RBM47: variants seen among roughly 807,000 people sequenced by gnomAD.
RBM47 encodes the protein RNA binding motif protein 47.
A neutral mutation model predicts 47.1 loss-of-function variants in RBM47; 21 were observed. That is an observed-to-expected ratio of 0.45 (90% CI 0.32 to 0.64). The LOEUF is 0.64. Among genes scored for constraint, RBM47 ranks in the 30% least tolerant of loss-of-function variants. The pLI, the probability that RBM47 is intolerant of heterozygous loss-of-function variation, is 0.05. For missense variants in RBM47, 708 were observed against 870.9 expected, an observed-to-expected ratio of 0.81 and a Z score of 2.35; for synonymous variants, 375 against 361.7, an observed-to-expected ratio of 1.04 and a Z score of -0.42.
chr4:40,510,777 AGAGTCAATAGGGGGAC>A (rs1222933176), intron 2 of RBM47, among the ~76,000 whole-genome samples: 9 of 152,176 alleles, frequency 5.9e-5, no homozygotes, highest in African/African-American at 1.7e-4. Flanking sequence ...GTCTAAACTA[AGAGTCAATAGGGGGAC>A]GGGCATGATG....
At position 40,478,505 on chromosome 4, in the gene RBM47, A is replaced by G. The variant is rs148167940; in HGVS notation, c.-154-11806T>C. ...GAAGCCTGGGATGAGATAAGCTCTG[A>G]GGTAGATTTGGAAAAAGGGGTAAGA... On this transcript the variant is annotated intron_variant, in intron 2 of 6. Coordinates refer to ENST00000295971, the MANE Select transcript of RBM47 (RefSeq NM_001098634.2). Among the ~76,000 whole-genome samples the G allele has an allele frequency of 5.9e-5, 9 of 152,332 alleles. No homozygotes were observed. In the East Asian group the frequency reaches 1.7e-3, roughly 29 times the overall value.
At chr4:40,589,574 T>C (rs1368520714) in intron 1 of RBM47, among the ~76,000 whole-genome samples, 1 of 152,020 alleles carries the variant, frequency 6.6e-6, no homozygotes, top group South Asian at 2.1e-4. Flanking sequence ...GTAGCTGGGA[T>C]TACGAGCACA....
intron 1 of RBM47, among the ~76,000 whole-genome samples, chr4:40,624,849 CTTTTCT>C (rs1291763009): frequency 1.4e-5 from 2 of 141,152 alleles, no homozygotes; most frequent in South Asian, 2.3e-4. Context: ...GCCATCTTTT[CTTTTCT>C]TTTTCTTTTT....
At chr4:40,518,711 G>T (rs1725878036) in intron 2 of RBM47, among the ~76,000 whole-genome samples, 2 of 151,890 alleles carry the variant, frequency 1.3e-5, no homozygotes, top group African/African-American at 4.8e-5. Flanking sequence ...AATCAGGGGT[G>T]TCCAATCTTT....
intron 2 of RBM47, among the ~76,000 whole-genome samples, chr4:40,513,715 T>A (rs1297894327): frequency 7.3e-6 from 1 of 137,182 alleles, no homozygotes; most frequent in Admixed American, 7.1e-5. Context: ...TTAAACTGAC[T>A]TTTTTTTTTT....
At chr4:40,585,438 G>A (rs553044152) in intron 1 of RBM47, among the ~76,000 whole-genome samples, 22 of 152,088 alleles carry the variant, frequency 1.4e-4, no homozygotes, top group African/African-American at 3.1e-4. Flanking sequence ...CAACAAAATC[G>A]CCCCATAAAT....
rs1047835662 is a variant in RBM47, at chr4:40,437,968, G to A, written c.926C>T (p.Ser309Leu). 4 of 1,613,314 alleles carry A rather than the reference G, an allele frequency of 2.5e-6. No individual in the cohort carries two copies. Among genetic ancestry groups the A allele is most frequent in the African/African-American group, 1.3e-5 (1 of 74,940 alleles). ...CTTGGCCAGCGTGACCTCCAGGCAC[G>A]AGCCCTCCAGCTCAGTGCCGTTGAG... ...NNLNGTELEG[S>L]CLEVTLAKPV... is the part of the protein sequence containing the mutation. Residue 309 changes from serine (S) to leucine (L), a missense_variant, in exon 4 of 7, where the codon TCG (serine) becomes TTG (leucine). Physicochemically the swap from Ser to Leu is moderately radical, Grantham distance 145. Coordinates refer to ENST00000295971, the MANE Select transcript of RBM47 (RefSeq NM_001098634.2).
intron 2 of RBM47, chr4:40,492,080 G>GAAGAAAAAAAAGAA (rs58882274): frequency 7.1e-6 from 1 of 141,248 alleles, no homozygotes; most frequent in Non-Finnish European, 1.5e-5. Context: ...AACCTGAACT[G>GAAGAAAAAAAAGAA]AAAAAAGGCT....
At chr4:40,432,202 TTAC>T (rs1716246134) in intron 6 of RBM47, among the ~76,000 whole-genome samples, 1 of 77,758 alleles carries the variant, frequency 1.3e-5, no homozygotes. Context: ...CTCTCTCTCT[TTAC>T]ACACACACAC....
At position 40,431,514 on chromosome 4, in the gene RBM47, C is replaced by T. The variant is rs183003098; in HGVS notation, c.1542+1137G>A. On this transcript the variant is annotated intron_variant, in intron 6 of 6. Coordinates refer to ENST00000295971, the MANE Select transcript of RBM47 (RefSeq NM_001098634.2). ...TCTACTAAAAATACAAAAAATTAGC[C>T]GGGCATGGTGGCGTGCGCCTGTAGT... is the stretch of plus-strand genomic sequence containing the variant. 7.5e-3 allele frequency among the ~76,000 whole-genome samples: 1,138 copies of T among 152,120 alleles called. 11 individuals are homozygous for T. Among genetic ancestry groups the T allele is most frequent in the African/African-American group, 0.025 (1,038 of 41,500 alleles).
rs567285185 is a variant in RBM47 at position 40,563,519 on chromosome 4, A to T, written c.-239-19013T>A. On this transcript the variant is annotated intron_variant, in intron 1 of 6. Coordinates refer to ENST00000295971, the MANE Select transcript of RBM47 (RefSeq NM_001098634.2). ...AAATACCTTAGATATCAGCTAGTTGATCTAGATAAGAAACCTGAGATTCAG... is the reference window on the plus strand; with the variant it reads ...AAATACCTTAGATATCAGCTAGTTGTTCTAGATAAGAAACCTGAGATTCAG... Among the ~76,000 whole-genome samples the T allele has an allele frequency of 2.6e-5, 4 of 152,350 alleles. No homozygotes were observed. In the South Asian group the frequency reaches 8.3e-4, roughly 32 times the overall value.
At chr4:40,493,917 C>T (rs938502448) in intron 2 of RBM47, among the ~76,000 whole-genome samples, 1 of 151,776 alleles carries the variant, frequency 6.6e-6, no homozygotes, top group Admixed American at 6.6e-5. Context: ...CCAGCCTGGG[C>T]AACAGAGTGA....
At chr4:40,605,952 C>T (rs1021021757) in intron 1 of RBM47, among the ~76,000 whole-genome samples, 3 of 151,642 alleles carry the variant, frequency 2.0e-5, no homozygotes, top group Non-Finnish European at 4.4e-5. Context: ...TTACCCAGCA[C>T]TTTGGGAGGC....
intron 3 of RBM47, among the ~76,000 whole-genome samples, chr4:40,452,027 G>A (rs530146814): frequency 1.3e-3 from 202 of 152,122 alleles, no homozygotes; most frequent in Non-Finnish European, 2.5e-3. Context: ...AAAATTAGCC[G>A]GGTGTGGTGG....
At chr4:40,502,482 G>A (rs1471388232) in intron 2 of RBM47, among the ~76,000 whole-genome samples, 3 of 152,180 alleles carry the variant, frequency 2.0e-5, no homozygotes, top group Non-Finnish European at 4.4e-5. Flanking sequence ...GGAGGGGTGA[G>A]AAGAGGTGAG....
intron 2 of RBM47, among the ~76,000 whole-genome samples, chr4:40,485,788 G>C (rs1208019306): frequency 2.0e-5 from 3 of 151,796 alleles, no homozygotes; most frequent in Non-Finnish European, 4.4e-5. Context: ...GGCCGGGTAG[G>C]GTGGCTCACT....
intron 4 of RBM47, 54 bp from the exon 5 acceptor site, chr4:40,436,701 G>T: frequency 1.3e-6 from 2 of 1,557,634 alleles, no homozygotes; most frequent in Non-Finnish European, 8.8e-7. Context: ...GGTGCTGGAG[G>T]CAGACCTCAG....
At chr4:40,448,039 AC>A (rs1714814490) in intron 3 of RBM47, among the ~76,000 whole-genome samples, 1 of 151,434 alleles carries the variant, frequency 6.6e-6, no homozygotes, top group South Asian at 2.1e-4. Context: ...AAATAAAAAA[AC>A]AAAACAAGTA....
chr4:40,584,867 GTGTTTGTT>G (rs56237615), intron 1 of RBM47, among the ~76,000 whole-genome samples: 1 of 151,112 alleles, frequency 6.6e-6, no homozygotes. Flanking sequence ...TAGATCATGT[GTGTTTGTT>G]TGTTTGTTTG....
Sources: allele counts gnomAD v4.1 joint callset (sites outside exome capture counted in the v4.1 genomes callset), GRCh38; gene constraint gnomAD v4.1.1; transcripts MANE v1.5; gene names NCBI Gene and HGNC (gene_info 2026-07-23, HGNC 2026-07-21).